Variants in TRPM5 observed in about 807,000 individuals in gnomAD.
The protein encoded by TRPM5 is MLSN1 and TRP-related.
Under a neutral mutation model 124.9 loss-of-function variants are expected in TRPM5, and 121 were observed. The ratio of observed to expected loss-of-function variants is 0.97; its 90% CI spans 0.84 to 1.13. The LOEUF is 1.13. TRPM5 is among the 50% of genes most tolerant of loss of function. The pLI, the probability that TRPM5 is intolerant of heterozygous loss-of-function variation, is 0.00. For synonymous variants in TRPM5, 781 were observed against 700.5 expected (o/e 1.11, Z -1.81); for missense variants, 1,643 against 1,589.1 (o/e 1.03, Z -0.58).
intron 21 of TRPM5, 141 bp from the exon 27 acceptor site, chr11:2,406,232 C>A: frequency 1.2e-6 from 1 of 857,052 alleles, no homozygotes; most frequent in Non-Finnish European, 1.9e-6. Context: ...ATGCCCAGAT[C>A]TGGTGGCACC....
intron 18 of TRPM5, among the ~76,000 whole-genome samples, chr11:2,409,653 GGGCTGGGTCACAGTGAGT>G (rs1264991871): frequency 2.0e-5 from 3 of 152,334 alleles, no homozygotes; most frequent in African/African-American, 7.2e-5. Flanking sequence ...GCAGCATGAG[GGGCTGGGTCACAGTGAGT>G]GGCTGGGGTT....
At position 2,412,125 on chromosome 11, in the gene TRPM5, C is replaced by T; in HGVS notation, c.2474+10G>A. 1 of 1,608,964 alleles carries T rather than the reference C, an allele frequency of 6.2e-7. No individual in the cohort carries two copies. The highest frequency in any genetic ancestry group is 8.5e-7 in the Non-Finnish European group (1 of 1,176,144). On this transcript the variant is annotated intron_variant, in intron 16 of 23. Transcript: ENST00000155858. ...GCCCTGAGGCCACACGGCCTCTGGGCCCCACAGACCTGCAGGTGACACCCA... is the reference window on the plus strand; with the variant it reads ...GCCCTGAGGCCACACGGCCTCTGGGTCCCACAGACCTGCAGGTGACACCCA...
chr11:2,426,902 G>A (rs544342705), upstream of TRPM5, among the ~76,000 whole-genome samples: 12 of 152,316 alleles, frequency 7.9e-5, no homozygotes, highest in African/African-American at 2.9e-4. Flanking sequence ...GGAAGTGGTG[G>A]CAAGAGGACA....
upstream of TRPM5, among the ~76,000 whole-genome samples, chr11:2,426,285 C>A (rs1373553915): frequency 2.0e-5 from 3 of 152,206 alleles, no homozygotes; most frequent in Non-Finnish European, 4.4e-5. Context: ...GCCCCATGCC[C>A]AGGCTCGGTG....
chr11:2,434,133 CTGTG>C, the TRPM5 span, among the ~76,000 whole-genome samples: 1 of 145,206 alleles, frequency 6.9e-6, no homozygotes, highest in Non-Finnish European at 1.5e-5. Context: ...CTGTGTGTGG[CTGTG>C]TGTGTGGAGG....
At chr11:2,427,072 C>T (rs1007727871), upstream of TRPM5, among the ~76,000 whole-genome samples, 1 of 152,198 alleles carries the variant, frequency 6.6e-6, no homozygotes, top group Non-Finnish European at 1.5e-5. Context: ...GACCCTCTTC[C>T]AGCACTGGGC....
At chr11:2,423,014 C>G (rs145169879) in exon 1 of TRPM5, 3 of 1,612,256 alleles carry the variant, frequency 1.9e-6, no homozygotes, top group Non-Finnish European at 2.5e-6. Context: ...GCTTCCGGGA[C>G]GGGGGCCTTG....
At chr11:2,432,734 C>T in the TRPM5 span, among the ~76,000 whole-genome samples, 1 of 152,244 alleles carries the variant, frequency 6.6e-6, no homozygotes, top group Admixed American at 6.5e-5. Flanking sequence ...GAGTAGGGCC[C>T]GCTGGCCCAG....
At chr11:2,424,357 G>A (rs1589877419), upstream of TRPM5, among the ~76,000 whole-genome samples, 1 of 152,224 alleles carries the variant, frequency 6.6e-6, no homozygotes, top group South Asian at 2.1e-4. Flanking sequence ...TAAGGCCAAG[G>A]CCCTCCCCAT....
At chr11:2,407,675 G>T in intron 19 of TRPM5, 84 bp downstream of exon 24, 1 of 1,522,088 alleles carries the variant, frequency 6.6e-7, no homozygotes, top group Non-Finnish European at 9.0e-7. Context: ...ACACCAGGTG[G>T]GTTGCAAAGG....
intron 18 of TRPM5, chr11:2,410,787 G>C (rs572443636): frequency 2.4e-6 from 1 of 412,190 alleles, no homozygotes; most frequent in Non-Finnish European, 4.8e-6. Context: ...ATTGGGGTGG[G>C]TCCCCAGGAG....
At chr11:2,413,668 CA>C in intron 12 of TRPM5, 80 bp from the exon 18 acceptor site, 2 of 1,362,970 alleles carry the variant, frequency 1.5e-6, no homozygotes, top group African/African-American at 1.4e-5. Context: ...GCCCTTCCCC[CA>C]GGTGCCTGGC....
At chr11:2,405,149 A>G (rs1417631854) in intron 23 of TRPM5, 106 bp from the exon 29 acceptor site, 1 of 906,570 alleles carries the variant, frequency 1.1e-6, no homozygotes, top group East Asian at 2.7e-5. Context: ...CGTGGCTCTC[A>G]GAGTGAGTCC....
At chr11:2,424,791 G>A (rs1845823232), upstream of TRPM5, among the ~76,000 whole-genome samples, 1 of 152,180 alleles carries the variant, frequency 6.6e-6, no homozygotes, top group Non-Finnish European at 1.5e-5. Context: ...AAGATGCCCA[G>A]CTCAGGCTGG....
chr11:2,411,971 G>A lies in TRPM5; in HGVS notation c.2474+164C>T, dbSNP rs112204148. On this transcript the variant is annotated intron_variant, in intron 16 of 23. Transcript: ENST00000155858. ...GGCTGGAGTGCAGTGGCATGATCAC[G>A]GCTTGCTGCTGCCTCAACTTCCCTG... Among the ~76,000 whole-genome samples the A allele has an allele frequency of 1.5e-3, 233 of 152,242 alleles. 1 individual carries two copies. Among genetic ancestry groups the A allele is most frequent in the African/African-American group, 5.1e-3 (213 of 41,546 alleles).
At chr11:2,425,820 G>T (rs1275641474), upstream of TRPM5, among the ~76,000 whole-genome samples, 2 of 152,178 alleles carry the variant, frequency 1.3e-5, no homozygotes, top group Non-Finnish European at 2.9e-5. Context: ...CAGCCTGGGG[G>T]ACGGGACTGG....
the TRPM5 span, among the ~76,000 whole-genome samples, chr11:2,433,196 G>T: frequency 5.9e-5 from 9 of 152,376 alleles, no homozygotes; most frequent in Non-Finnish European, 1.0e-4. Flanking sequence ...AGGGGCCAGC[G>T]AGGCCAAATG....
rs955277141 is a variant in TRPM5 at position 2,404,947 on chromosome 11, G to A, written c.3488C>T (p.Ser1163Leu). The change falls in exon 24 of 24, where the codon TCG becomes TTG. Residue 1163 changes from serine (S) to leucine (L), a missense_variant. By Grantham distance (145) the Ser-to-Leu change is moderately radical. Coordinates refer to ENST00000155858, the Ensembl canonical transcript of TRPM5. Reference sequence around the variant, plus strand: ...GGCAGGCCAAGCAGCTCAGGTGTCCGAGGGAGGCTGGCCAGCCCCGGGTTG... The same window carrying A: ...GGCAGGCCAAGCAGCTCAGGTGTCCAAGGGAGGCTGGCCAGCCCCGGGTTG... 7 of 1,612,072 alleles carry A rather than the reference G, an allele frequency of 4.3e-6. No homozygotes were observed. Among genetic ancestry groups the A allele is most frequent in the African/African-American group, 1.3e-5 (1 of 75,044 alleles).
In TRPM5 at chr11:2,417,711, C is replaced by A; in HGVS notation, c.1009+16G>T. Reference sequence around the variant, plus strand: ...CCCCCAATGGCGCCTGCCTTGCCCACCCTGCCCGCCCTCACCTTTCACCAG... The same window carrying A: ...CCCCCAATGGCGCCTGCCTTGCCCAACCTGCCCGCCCTCACCTTTCACCAG... On this transcript the variant is annotated intron_variant, in intron 7 of 23. Coordinates refer to ENST00000155858, the Ensembl canonical transcript of TRPM5. 2.1e-6 allele frequency: 3 copies of A among 1,414,244 alleles called. No homozygotes were observed. The highest frequency in any genetic ancestry group is 2.0e-6 in the Non-Finnish European group (2 of 1,019,976). The allele number at this position is 1,414,244 out of a possible 1,614,324, so 87.6% of individuals were successfully genotyped here. A position where few individuals can be genotyped will look rare whatever the true frequency, so the allele number is the denominator to read the frequency against.
Sources: allele counts gnomAD v4.1 joint callset (sites outside exome capture counted in the v4.1 genomes callset), GRCh38; gene constraint gnomAD v4.1.1; transcripts MANE v1.5; gene names NCBI Gene and HGNC (gene_info 2026-07-23, HGNC 2026-07-21).